Variants in ANKRD44 observed in about 807,000 individuals in gnomAD.
The protein encoded by ANKRD44 is ankyrin repeat domain 44, also known as serine/threonine-protein phosphatase 6 regulatory ankyrin repeat subunit B.
ANKRD44 carries 35 observed loss-of-function variants against 116.0 expected under a neutral mutation model. The ratio of observed to expected loss-of-function variants is 0.30; its 90% CI spans 0.23 to 0.40. The LOEUF is 0.40. ANKRD44 is among the 10% of genes least tolerant of loss of function. ANKRD44 has a pLI of 1.00. For synonymous variants in ANKRD44, 435 were observed against 461.8 expected (o/e 0.94, Z 0.74); for missense variants, 1,014 against 1,242.6 (o/e 0.82, Z 2.77).
intron 2 of ANKRD44, among the ~76,000 whole-genome samples, chr2:197,176,180 C>T (rs1056116416): frequency 6.6e-6 from 1 of 152,206 alleles, no homozygotes; most frequent in Non-Finnish European, 1.5e-5. Context: ...GAGTGTCATG[C>T]TAGTCCTGGA....
At chr2:197,165,139 T>A (rs1324829326) in intron 2 of ANKRD44, among the ~76,000 whole-genome samples, 1 of 152,220 alleles carries the variant, frequency 6.6e-6, no homozygotes, top group Non-Finnish European at 1.5e-5. Flanking sequence ...ATTTAACCCA[T>A]GTTTTCACCC....
intron 10 of ANKRD44, among the ~76,000 whole-genome samples, chr2:197,099,104 T>C (rs1036414756): frequency 6.6e-6 from 1 of 152,138 alleles, no homozygotes; most frequent in Non-Finnish European, 1.5e-5. Context: ...ATTCATCTTC[T>C]CCTTGAAGCC....
At chr2:197,047,087 C>T (rs1298362353) in intron 16 of ANKRD44, among the ~76,000 whole-genome samples, 6 of 151,462 alleles carry the variant, frequency 4.0e-5, no homozygotes, top group Non-Finnish European at 7.4e-5. Context: ...GGCGCAATCT[C>T]GGCTCACTAC....
intron 1 of ANKRD44, among the ~76,000 whole-genome samples, chr2:197,298,929 GAA>G (rs1037254991): frequency 6.6e-6 from 1 of 150,800 alleles, no homozygotes; most frequent in Non-Finnish European, 1.5e-5. Context: ...AAAAAAAAAA[GAA>G]AGAGAGAGAA....
At chr2:197,106,634 C>A (rs111575650) in intron 9 of ANKRD44, among the ~76,000 whole-genome samples, 2 of 150,646 alleles carry the variant, frequency 1.3e-5, no homozygotes, top group Non-Finnish European at 3.0e-5. Flanking sequence ...TTAAAAAACA[C>A]AAAAAATTAG....
chr2:197,095,038 C>T (rs1057357747), intron 10 of ANKRD44, among the ~76,000 whole-genome samples: 1 of 152,238 alleles, frequency 6.6e-6, no homozygotes, highest in African/African-American at 2.4e-5. Flanking sequence ...CTGAAACTCT[C>T]TTATCTTTCT....
intron 2 of ANKRD44, among the ~76,000 whole-genome samples, chr2:197,153,255 CAAGAAG>C (rs144772611): frequency 2.3e-5 from 3 of 129,616 alleles, no homozygotes; most frequent in Non-Finnish European, 4.8e-5. Flanking sequence ...AAAGAAGAAA[CAAGAAG>C]AAGAGGAAGA....
At chr2:197,063,553 G>GA in intron 16 of ANKRD44, among the ~76,000 whole-genome samples, 1 of 152,042 alleles carries the variant, frequency 6.6e-6, no homozygotes, top group East Asian at 1.9e-4. Flanking sequence ...TAAAAACCTT[G>GA]AAAAAAGATT....
chr2:197,310,251 C>A (rs1412260809), intron 1 of ANKRD44, among the ~76,000 whole-genome samples: 6 of 150,994 alleles, frequency 4.0e-5, no homozygotes, highest in Non-Finnish European at 8.9e-5. Flanking sequence ...CGGCGCGGTG[C>A]GAGTCCCGAG....
At chr2:197,065,255 T>C (rs1464627555) in intron 16 of ANKRD44, among the ~76,000 whole-genome samples, 6 of 152,064 alleles carry the variant, frequency 3.9e-5, no homozygotes, top group Non-Finnish European at 7.4e-5. Flanking sequence ...TTGAAACCAA[T>C]GAGAACAAAG....
chr2:197,004,717 A>G (rs2125906043), intron 21 of ANKRD44, among the ~76,000 whole-genome samples: 1 of 152,302 alleles, frequency 6.6e-6, no homozygotes, highest in East Asian at 1.9e-4. Flanking sequence ...ATAATTTATT[A>G]AAATTAAAAA....
chr2:197,231,949 C>T (rs999572327), intron 1 of ANKRD44, among the ~76,000 whole-genome samples: 1 of 152,140 alleles, frequency 6.6e-6, no homozygotes, highest in Non-Finnish European at 1.5e-5. Context: ...TTGGTCTTAG[C>T]ACATAATACA....
intron 15 of ANKRD44, 98 bp from the exon 16 acceptor site, chr2:197,078,912 C>A: frequency 8.0e-7 from 1 of 1,249,742 alleles, no homozygotes; most frequent in Non-Finnish European, 1.1e-6. Context: ...CCATGAAGTA[C>A]TTTATGAGTT....
At chr2:197,131,340 C>T (rs1047608281) in intron 4 of ANKRD44, among the ~76,000 whole-genome samples, 6 of 151,710 alleles carry the variant, frequency 4.0e-5, no homozygotes, top group African/African-American at 1.5e-4. Context: ...TACAGGCGCC[C>T]GCTACCACGC....
At chr2:197,100,438 A>ACAAAAG (rs1553507824) in intron 9 of ANKRD44, among the ~76,000 whole-genome samples, 9 of 152,276 alleles carry the variant, frequency 5.9e-5, no homozygotes, top group South Asian at 4.1e-4. Context: ...CCGTCTCAAA[A>ACAAAAG]AAAAAGAAAA....
At chr2:197,123,208 G>GA (rs59836450) in intron 6 of ANKRD44, among the ~76,000 whole-genome samples, 11 of 151,258 alleles carry the variant, frequency 7.3e-5, no homozygotes, top group Non-Finnish European at 1.2e-4. Context: ...ACTGATAAAA[G>GA]AAAAAAAAAC....
At chr2:197,295,002 G>A (rs1430072986) in intron 1 of ANKRD44, among the ~76,000 whole-genome samples, 1 of 152,122 alleles carries the variant, frequency 6.6e-6, no homozygotes, top group Non-Finnish European at 1.5e-5. Flanking sequence ...ATAAACATAT[G>A]GCTTCCTTCT....
At chr2:197,287,835 C>T (rs1490717526) in intron 1 of ANKRD44, among the ~76,000 whole-genome samples, 1 of 151,750 alleles carries the variant, frequency 6.6e-6, no homozygotes, top group Non-Finnish European at 1.5e-5. Flanking sequence ...GCCTGGCCAA[C>T]ATGGTGAAAC....
intron 2 of ANKRD44, among the ~76,000 whole-genome samples, chr2:197,169,167 C>T (rs1232040706): frequency 1.3e-5 from 2 of 152,122 alleles, no homozygotes; most frequent in Admixed American, 1.3e-4. Flanking sequence ...CTCCCCTAAC[C>T]CTCCTTGGGG....
Sources: allele counts gnomAD v4.1 joint callset (sites outside exome capture counted in the v4.1 genomes callset), GRCh38; gene constraint gnomAD v4.1.1; transcripts MANE v1.5; gene names NCBI Gene and HGNC (gene_info 2026-07-23, HGNC 2026-07-21).